APLF: variants seen among roughly 807,000 people sequenced by gnomAD.
APLF encodes aprataxin and PNKP like factor, also known as aprataxin and PNK-like factor.
Under a neutral mutation model 55.6 loss-of-function variants are expected in APLF, and 61 were observed. That is an observed-to-expected ratio of 1.10 (90% confidence interval 0.89 to 1.36). APLF has a LOEUF of 1.36. APLF is among the 40% of genes most tolerant of loss of function. APLF has a pLI of 0.00. For missense variants in APLF, 611 were observed against 602.5 expected, an observed-to-expected ratio of 1.01 and a Z score of -0.15; for synonymous variants, 207 against 214.8, an observed-to-expected ratio of 0.96 and a Z score of 0.32.
intron 5 of APLF, among the ~76,000 whole-genome samples, chr2:68,517,868 T>C (rs1195712014): frequency 2.8e-5 from 4 of 144,746 alleles, no homozygotes; most frequent in African/African-American, 9.9e-5. Flanking sequence ...TGTTAATATA[T>C]AGCAGTAATA....
At chr2:68,497,702 C>T (rs72900080) in intron 2 of APLF, among the ~76,000 whole-genome samples, 7,519 of 151,892 alleles carry the variant, frequency 0.05, 205 homozygotes, top group African/African-American at 0.058. Context: ...ATCTTTAAGA[C>T]GGCACCAAGC....
intron 1 of APLF, among the ~76,000 whole-genome samples, chr2:68,482,441 A>G (rs1675989997): frequency 1.3e-5 from 2 of 152,062 alleles, no homozygotes; most frequent in Admixed American, 1.3e-4. Context: ...TTTGCCAGAG[A>G]TGGGCTCGCC....
intron 2 of APLF, among the ~76,000 whole-genome samples, chr2:68,493,189 A>T (rs1006934289): frequency 1.3e-5 from 2 of 152,214 alleles, no homozygotes; most frequent in Non-Finnish European, 2.9e-5. Flanking sequence ...CTTCAGTTGA[A>T]TAATATTTTA....
intron 1 of APLF, among the ~76,000 whole-genome samples, chr2:68,488,390 G>A (rs1195499867): frequency 6.7e-6 from 1 of 150,176 alleles, no homozygotes; most frequent in Non-Finnish European, 1.5e-5. Flanking sequence ...GCATGCAGTG[G>A]CACGATCATG....
intron 3 of APLF, among the ~76,000 whole-genome samples, chr2:68,507,549 C>G (rs1676902938): frequency 6.6e-6 from 1 of 151,800 alleles, no homozygotes; most frequent in African/African-American, 2.4e-5. Flanking sequence ...AAAACTCATG[C>G]TTTTTTGAGA....
At chr2:68,492,947 CT>C (rs1168674653) in intron 2 of APLF, among the ~76,000 whole-genome samples, 1 of 151,906 alleles carries the variant, frequency 6.6e-6, no homozygotes, top group Non-Finnish European at 1.5e-5. Flanking sequence ...TTTCGAGTAC[CT>C]TTTTTTGACA....
rs1283950093 is a variant in APLF at position 68,567,439 on chromosome 2, C to G, written c.1333+52C>G. The G allele has an allele frequency of 3.0e-6, 4 of 1,339,186 alleles. No homozygotes were observed. The East Asian group carries it at 9.8e-5, about 33-fold the overall frequency. The allele number at this position is 1,339,186 out of a possible 1,614,324, so 83.0% of individuals were successfully genotyped here. The stretch of plus-strand genomic sequence containing the variant: ...AAAATGAAACCTTTAAATGATTTTC[C>G]TATTAAACCTAGTTTCCAGTTATTA... On this transcript the variant is annotated intron_variant, in intron 9 of 9. Coordinates refer to ENST00000303795, the MANE Select transcript of APLF (RefSeq NM_173545.3).
At chr2:68,562,895 T>C (rs909708837) in intron 8 of APLF, among the ~76,000 whole-genome samples, 1 of 152,060 alleles carries the variant, frequency 6.6e-6, no homozygotes, top group African/African-American at 2.4e-5. Flanking sequence ...TTTGAGTGTG[T>C]GATTTTGTGT....
chr2:68,540,018 C>CT lies in APLF; in HGVS notation c.1160+1792dup, dbSNP rs1220303243. 5.9e-5 allele frequency among the ~76,000 whole-genome samples: 9 copies of CT among 152,216 alleles called. 1 individual carries two copies. The South Asian group carries it at 1.5e-3, about 25-fold the overall frequency. ...TTCAGAATCTTTTTCTTATTATACT[C>CT]TGAGTTCTGGAATACATGTGCAGAA... On this transcript the variant is annotated intron_variant, in intron 7 of 9. Coordinates refer to ENST00000303795, the MANE Select transcript of APLF (RefSeq NM_173545.3).
chr2:68,513,360 G>C (rs1669460731), intron 4 of APLF, 133 bp downstream of exon 4: 1 of 1,286,134 alleles, frequency 7.8e-7, no homozygotes, highest in Non-Finnish European at 1.1e-6. Context: ...TTTAAGTTAA[G>C]CTCTAGAGAA....
intron 1 of APLF, among the ~76,000 whole-genome samples, chr2:68,477,124 G>A (rs1451235087): frequency 6.6e-6 from 1 of 152,124 alleles, no homozygotes; most frequent in East Asian, 1.9e-4. Context: ...CAAACACAGA[G>A]TGTACATAGT....
chr2:68,493,824 C>T (rs1452152890), intron 2 of APLF, among the ~76,000 whole-genome samples: 5 of 151,900 alleles, frequency 3.3e-5, no homozygotes, highest in South Asian at 2.1e-4. Context: ...ATTAGCCAGG[C>T]GTGGCCAGGC....
At chr2:68,532,283 C>T (rs935819185) in intron 6 of APLF, among the ~76,000 whole-genome samples, 2 of 152,196 alleles carry the variant, frequency 1.3e-5, no homozygotes, top group Non-Finnish European at 2.9e-5. Context: ...GCCAGGCCTA[C>T]ATTTGGATCA....
chr2:68,559,399 T>C (rs1671105938), intron 8 of APLF, among the ~76,000 whole-genome samples: 1 of 152,168 alleles, frequency 6.6e-6, no homozygotes, highest in South Asian at 2.1e-4. Context: ...GGCGAGCTAA[T>C]TCAATTTAAT....
intron 6 of APLF, among the ~76,000 whole-genome samples, chr2:68,533,103 C>G (rs1670302411): frequency 6.6e-6 from 1 of 152,168 alleles, no homozygotes; most frequent in African/African-American, 2.4e-5. Flanking sequence ...TGGGTTTACA[C>G]TCTTTCACTC....
At chr2:68,488,793 G>T (rs1676267555) in intron 1 of APLF, among the ~76,000 whole-genome samples, 1 of 152,076 alleles carries the variant, frequency 6.6e-6, no homozygotes, top group Non-Finnish European at 1.5e-5. Flanking sequence ...TGAAAGTTCT[G>T]TGCAAATGAT....
In APLF at chr2:68,529,472, G is replaced by C; in HGVS notation, c.804+3230G>C. 8.9e-7 allele frequency: 1 copy of C among 1,117,776 alleles called. No homozygotes were observed. The highest frequency in any genetic ancestry group is 1.1e-6 in the Non-Finnish European group (1 of 912,140). The allele number at this position is 1,117,776 out of a possible 1,614,324, so 69.2% of individuals were successfully genotyped here. A position where few individuals can be genotyped will look rare whatever the true frequency, so the allele number is the denominator to read the frequency against. On this transcript the variant is annotated intron_variant, in intron 6 of 9. Coordinates refer to ENST00000303795, the MANE Select transcript of APLF (RefSeq NM_173545.3). The surrounding 1 kb of genome is among the most constrained non-coding windows in gnomAD (Gnocchi z 4.4). ...GCTTAGTGAGTTGTCCATTTTGAGC[G>C]AGTTGTGCACAGACGAAACTAAGGG...
intron 9 of APLF, among the ~76,000 whole-genome samples, chr2:68,577,320 G>C (rs76065731): frequency 2.1e-3 from 314 of 152,226 alleles, no homozygotes; most frequent in African/African-American, 7.2e-3. Flanking sequence ...TCTCATCTTG[G>C]AATCCAGGCT....
chr2:68,512,029 A>G (rs1251389568), intron 3 of APLF, among the ~76,000 whole-genome samples: 2 of 151,772 alleles, frequency 1.3e-5, no homozygotes, highest in Non-Finnish European at 2.9e-5. Flanking sequence ...TTATATCTTT[A>G]GTTTTTAAAA....
Sources: allele counts gnomAD v4.1 joint callset (sites outside exome capture counted in the v4.1 genomes callset), GRCh38; gene constraint gnomAD v4.1.1; non-coding constraint Gnocchi (gnomAD v3.1); transcripts MANE v1.5; gene names NCBI Gene and HGNC (gene_info 2026-07-23, HGNC 2026-07-21).